The following MEIKIN variants were observed in gnomAD, a reference collection of about 807,000 sequenced individuals.
The protein encoded by MEIKIN is meiosis-specific kinetochore protein.
At chr5:131,847,641 G>A (rs1434655524) in intron 11 of MEIKIN, among the ~76,000 whole-genome samples, 1 of 151,988 alleles carries the variant, frequency 6.6e-6, no homozygotes, top group African/African-American at 2.4e-5. Context: ...TAACCAGGCA[G>A]AAGAGAATAT....
chr5:131,914,291 G>A (rs1343772179), intron 7 of MEIKIN, among the ~76,000 whole-genome samples: 5 of 151,548 alleles, frequency 3.3e-5, no homozygotes. Flanking sequence ...GGCTGAGGCT[G>A]GAGGATCACT....
chr5:131,898,570 G>T (rs2149637867), intron 8 of MEIKIN, among the ~76,000 whole-genome samples: 1 of 152,354 alleles, frequency 6.6e-6, no homozygotes, highest in East Asian at 1.9e-4. Context: ...CTGAGCTGCG[G>T]TGGGCTCTGC....
intron 8 of MEIKIN, among the ~76,000 whole-genome samples, chr5:131,896,431 G>C (rs903133570): frequency 6.6e-6 from 1 of 152,170 alleles, no homozygotes; most frequent in Non-Finnish European, 1.5e-5. Flanking sequence ...TTCAAGTCCT[G>C]GATATCCTTG....
chr5:131,940,249 GGAA>G (rs1419776129), intron 4 of MEIKIN, among the ~76,000 whole-genome samples: 1 of 152,096 alleles, frequency 6.6e-6, no homozygotes, highest in African/African-American at 2.4e-5. Context: ...AGAAGGGAGA[GGAA>G]GAAGGAGAGA....
chr5:131,928,629 G>A (rs192959985), intron 5 of MEIKIN, among the ~76,000 whole-genome samples: 53 of 151,892 alleles, frequency 3.5e-4, no homozygotes, highest in Admixed American at 2.0e-3. Flanking sequence ...CTTTTAACTC[G>A]TATACCAGAA....
intron 5 of MEIKIN, among the ~76,000 whole-genome samples, chr5:131,926,599 A>C (rs1223692713): frequency 6.6e-6 from 1 of 152,192 alleles, no homozygotes; most frequent in Non-Finnish European, 1.5e-5. Context: ...GAAGAGTTTA[A>C]GAATTAGAAT....
At position 131,825,030 on chromosome 5, in the gene MEIKIN, A is replaced by AAAAG. The variant is rs1554102869; in HGVS notation, c.976-6168_976-6167insCTTT. On this transcript the variant is annotated intron_variant, in intron 11 of 12. Transcript: ENST00000442687. Reference sequence around the variant, plus strand: ...GGGAGACTTCATTTTACTGAAAAAAAAAGAAGAAGAAGAAGAAGAAGAAGC... The same window carrying AAAAG: ...GGGAGACTTCATTTTACTGAAAAAAAAAAGAAGAAGAAGAAGAAGAAGAAGAAGC... Among the ~76,000 whole-genome samples, 689 of 151,580 alleles carry AAAAG rather than the reference A, an allele frequency of 4.5e-3. 5 individuals carry two copies. The highest frequency in any genetic ancestry group is 0.016 in the African/African-American group (655 of 41,146).
At chr5:131,928,666 T>C (rs1233312555) in intron 5 of MEIKIN, among the ~76,000 whole-genome samples, 1 of 152,240 alleles carries the variant, frequency 6.6e-6, no homozygotes, top group African/African-American at 2.4e-5. Context: ...TCTGGTATAC[T>C]ACTATAACAG....
At chr5:131,822,539 C>G (rs549203692) in intron 11 of MEIKIN, among the ~76,000 whole-genome samples, 1 of 152,278 alleles carries the variant, frequency 6.6e-6, no homozygotes, top group East Asian at 1.9e-4. Flanking sequence ...CAACTTAACA[C>G]TGCTTTCATA....
chr5:131,936,381 T>C (rs1010374988), intron 4 of MEIKIN, among the ~76,000 whole-genome samples: 42 of 152,348 alleles, frequency 2.8e-4, no homozygotes, highest in African/African-American at 1.0e-3. Context: ...TTTCTTTTGA[T>C]AGGCACCTCC....
At chr5:131,891,626 G>T (rs1237884100) in intron 8 of MEIKIN, among the ~76,000 whole-genome samples, 1 of 152,214 alleles carries the variant, frequency 6.6e-6, no homozygotes, top group South Asian at 2.1e-4. Flanking sequence ...TGTGAGATGG[G>T]TTTCCTGAAT....
At chr5:131,822,739 T>C (rs1352711024) in intron 11 of MEIKIN, among the ~76,000 whole-genome samples, 2 of 152,198 alleles carry the variant, frequency 1.3e-5, no homozygotes, top group African/African-American at 4.8e-5. Flanking sequence ...TGTTATACTA[T>C]TCTGTTTTTC....
At chr5:131,849,490 G>C (rs1310610853) in intron 11 of MEIKIN, among the ~76,000 whole-genome samples, 1 of 10 alleles carries the variant, frequency 0.1, no homozygotes, top group Non-Finnish European at 0.5. Context: ...TATATATAAA[G>C]AAACCTCTTT....
rs368676630 is a variant in MEIKIN at position 131,911,422 on chromosome 5, T to C, written c.703+393A>G. 1.8e-4 allele frequency among the ~76,000 whole-genome samples: 27 copies of C among 152,124 alleles called. No individual in the cohort carries two copies. The East Asian group carries it at 3.5e-3, about 20-fold the overall frequency. On this transcript the variant is annotated intron_variant, in intron 8 of 12. Coordinates refer to ENST00000442687, the MANE Select transcript of MEIKIN (RefSeq NM_001303622.2). ...TCCTAATAGTAAACTACATAAGGGT[T>C]TGCAAGACACTTTGCTTATCCCTTT...
chr5:131,843,233 G>A (rs1749950038), intron 11 of MEIKIN, among the ~76,000 whole-genome samples: 1 of 152,238 alleles, frequency 6.6e-6, no homozygotes, highest in African/African-American at 2.4e-5. Flanking sequence ...GGGAGGGGCT[G>A]TTGTGAAGGT....
chr5:131,873,522 A>G lies in MEIKIN; in HGVS notation c.774+5456T>C, dbSNP rs548598042. ...AGCAAGTCCTTAGTGACCTACAAAG[A>G]GACTTAGACTCCCACACAATAATAA... On this transcript the variant is annotated intron_variant, in intron 9 of 12. Transcript: ENST00000442687. 3.0e-3 allele frequency among the ~76,000 whole-genome samples: 462 copies of G among 152,314 alleles called. 2 individuals carry two copies. Among genetic ancestry groups the G allele is most frequent in the African/African-American group, 0.01 (430 of 41,560 alleles).
intron 11 of MEIKIN, among the ~76,000 whole-genome samples, chr5:131,850,547 G>A: frequency 6.6e-6 from 1 of 152,004 alleles, no homozygotes. Flanking sequence ...ATGATTTTTG[G>A]CAAGGGGGCC....
chr5:131,882,358 CAT>C (rs1032719215), intron 8 of MEIKIN, among the ~76,000 whole-genome samples: 43 of 152,294 alleles, frequency 2.8e-4, no homozygotes, highest in Admixed American at 2.7e-3. Flanking sequence ...GACCCAGACA[CAT>C]AGAACTCAAG....
In MEIKIN at chr5:131,860,595, C is replaced by T. The variant is rs1580876276; in HGVS notation, c.775-5761G>A. On this transcript the variant is annotated intron_variant, in intron 9 of 12. Coordinates refer to ENST00000442687, the MANE Select transcript of MEIKIN (RefSeq NM_001303622.2). ...AAGCAGCTGGGATTATAGGCACCCA[C>T]CACCATGCCAGGATAATTTTTTTTT... 2.2e-5 allele frequency among the ~76,000 whole-genome samples: 3 copies of T among 136,450 alleles called. No individual in the cohort carries two copies. In the South Asian group the frequency reaches 7.5e-4, roughly 34 times the overall value. The allele number at this position is 136,450 out of a possible 152,430, so 89.5% of individuals were successfully genotyped here. A position where few individuals can be genotyped will look rare whatever the true frequency, so the allele number is the denominator to read the frequency against.
Sources: allele counts gnomAD v4.1 joint callset (sites outside exome capture counted in the v4.1 genomes callset), GRCh38; gene constraint gnomAD v4.1.1; transcripts MANE v1.5; gene names NCBI Gene and HGNC (gene_info 2026-07-23, HGNC 2026-07-21).